The following SPMIP8 variants were observed in gnomAD, a reference collection of about 807,000 sequenced individuals.
SPMIP8 encodes the protein sperm microtubule inner protein 8.
At chr16:57,984,220 G>T in the SPMIP8 span, 1 of 1,464,602 alleles carries the variant, frequency 6.8e-7, no homozygotes, top group African/African-American at 1.4e-5. Context: ...AATTTTTAAA[G>T]TACAGTGTGG....
the SPMIP8 span, chr16:57,984,403 G>T: frequency 6.2e-7 from 1 of 1,610,172 alleles, no homozygotes; most frequent in Non-Finnish European, 8.5e-7. Flanking sequence ...TTGCTAAGGG[G>T]CACCAGCCCC....
chr16:57,986,096 C>T, the SPMIP8 span: 2 of 896,992 alleles, frequency 2.2e-6, no homozygotes, highest in Admixed American at 3.6e-5. Context: ...CTGCTTCGCT[C>T]TGGAGAGATC....
At chr16:57,976,580 C>A in the SPMIP8 span, 1 of 1,614,202 alleles carries the variant, frequency 6.2e-7, no homozygotes, top group Non-Finnish European at 8.5e-7. Context: ...AACTGAAAGT[C>A]CTTATAAGCC....
the SPMIP8 span, among the ~76,000 whole-genome samples, chr16:57,981,811 T>C: frequency 6.6e-6 from 1 of 152,078 alleles, no homozygotes; most frequent in Non-Finnish European, 1.5e-5. Flanking sequence ...GGCCTTGTGA[T>C]TGCTAGTTTA....
the SPMIP8 span, among the ~76,000 whole-genome samples, chr16:57,982,847 T>G: frequency 6.6e-6 from 1 of 152,106 alleles, no homozygotes. Context: ...CTGGCCAACA[T>G]GGTGAAACCC....
the SPMIP8 span, chr16:57,985,573 C>A: frequency 4.5e-6 from 7 of 1,571,014 alleles, no homozygotes; most frequent in South Asian, 7.0e-5. Context: ...GCCCGGGGAC[C>A]CCATATCTGG....
the SPMIP8 span, among the ~76,000 whole-genome samples, chr16:57,981,329 G>A: frequency 0.017 from 2,430 of 145,586 alleles, 55 homozygotes; most frequent in African/African-American, 0.058. Flanking sequence ...GCAGTGAGCC[G>A]AGATCGCGCC....
chr16:57,981,428 T>A, the SPMIP8 span, among the ~76,000 whole-genome samples: 87,767 of 131,724 alleles, frequency 0.67, 29,866 homozygotes, highest in Non-Finnish European at 0.74. Flanking sequence ...TTATTATTAT[T>A]ATTATAATTT....
At chr16:57,985,163 G>C in the SPMIP8 span, 24 of 1,315,772 alleles carry the variant, frequency 1.8e-5, no homozygotes, top group Admixed American at 2.1e-4. Context: ...GCTTGTCCTG[G>C]GGGGGGGCGG....
chr16:57,981,336 C>T, the SPMIP8 span, among the ~76,000 whole-genome samples: 4 of 143,960 alleles, frequency 2.8e-5, no homozygotes, highest in East Asian at 2.1e-4. Flanking sequence ...GCCGAGATCG[C>T]GCCATTGCAC....
the SPMIP8 span, chr16:57,977,983 C>T: frequency 1.9e-6 from 3 of 1,614,206 alleles, no homozygotes; most frequent in South Asian, 1.1e-5. Flanking sequence ...GACAGGGACA[C>T]CGTCAAGGCC....
the SPMIP8 span, chr16:57,987,583 C>A: frequency 1.2e-6 from 1 of 814,726 alleles, no homozygotes; most frequent in Non-Finnish European, 1.8e-6. Context: ...GCAATTGTCT[C>A]TGTCTGTGTG....
At chr16:57,983,710 C>T in the SPMIP8 span, among the ~76,000 whole-genome samples, 1 of 152,142 alleles carries the variant, frequency 6.6e-6, no homozygotes, top group Non-Finnish European at 1.5e-5. Flanking sequence ...CTCCTGGATT[C>T]CAGTGATCCT....
At chr16:57,985,634 C>A in the SPMIP8 span, 1 of 1,489,058 alleles carries the variant, frequency 6.7e-7, no homozygotes, top group Non-Finnish European at 9.0e-7. Flanking sequence ...GGCAATGCCC[C>A]TTGAAAACGT....
chr16:57,981,322 G>A, the SPMIP8 span, among the ~76,000 whole-genome samples: 2 of 147,878 alleles, frequency 1.4e-5, no homozygotes, highest in African/African-American at 5.0e-5. Flanking sequence ...GGAGGTTGCA[G>A]TGAGCCGAGA....
At chr16:57,977,925 G>T in the SPMIP8 span, 29 of 1,614,026 alleles carry the variant, frequency 1.8e-5, no homozygotes, top group Non-Finnish European at 2.5e-5. Flanking sequence ...GCTGGCGGGC[G>T]TGAAGCAGCA....
the SPMIP8 span, among the ~76,000 whole-genome samples, chr16:57,982,551 G>T: frequency 1.3e-5 from 2 of 152,026 alleles, no homozygotes; most frequent in African/African-American, 4.8e-5. Flanking sequence ...GAATCACCAG[G>T]TTAAACACTG....
chr16:57,980,670 T>A, the SPMIP8 span, among the ~76,000 whole-genome samples: 1 of 152,222 alleles, frequency 6.6e-6, no homozygotes, highest in African/African-American at 2.4e-5. Context: ...ATAGCTTATT[T>A]ATTTTTGTGT....
chr16:57,985,176 G>T, the SPMIP8 span: 2 of 1,483,788 alleles, frequency 1.3e-6, no homozygotes, highest in Non-Finnish European at 1.8e-6. Flanking sequence ...GGGGGCGGAT[G>T]AGCGCTCGAG....
Sources: gnomAD v4.1 joint callset for allele counts (sites outside exome capture counted in the v4.1 genomes callset) on GRCh38, gnomAD v4.1.1 for gene constraint, MANE v1.5 for transcripts, NCBI Gene and HGNC (gene_info 2026-07-23, HGNC 2026-07-21) for gene names.